Variants in SPPL2B observed in about 807,000 individuals in gnomAD.
SPPL2B encodes the protein signal peptide peptidase-like 2B.
A neutral mutation model predicts 59.7 loss-of-function variants in SPPL2B; 39 were observed. The observed-to-expected ratio is 0.65, with a 90% CI of 0.51 to 0.85. The LOEUF is 0.85. Ranked by LOEUF, SPPL2B falls within the 40% of genes least tolerant of loss-of-function variation. The pLI is 0.00. For synonymous variants in SPPL2B, 419 were observed against 370.8 expected (o/e 1.13, Z -1.49); for missense variants, 865 against 849.0 (o/e 1.02, Z -0.23).
intron 10 of SPPL2B, 70 bp downstream of exon 10, chr19:2,344,109 T>G: frequency 1.2e-5 from 7 of 597,502 alleles, no homozygotes; most frequent in Non-Finnish European, 1.5e-5. Context: ...CCCCGCCCCA[T>G]CACCCCCCCC....
chr19:2,333,354 G>C (rs1046408736), intron 1 of SPPL2B, among the ~76,000 whole-genome samples: 1 of 150,468 alleles, frequency 6.6e-6, no homozygotes, highest in South Asian at 2.1e-4. Context: ...TGGCAGGTGC[G>C]GGCGGCTGGA....
intron 8 of SPPL2B, chr19:2,342,650 C>T (rs1287243836): frequency 6.5e-6 from 1 of 153,638 alleles, no homozygotes; most frequent in Non-Finnish European, 1.5e-5. Flanking sequence ...GAGACTCCAT[C>T]TCAAAAACAA....
rs1013474045 is a variant in SPPL2B at position 2,332,941 on chromosome 19, C to T, written c.67-1661C>T. Among the ~76,000 whole-genome samples the T allele has an allele frequency of 2.1e-5, 3 of 139,874 alleles. No homozygotes were observed. Among genetic ancestry groups the T allele is most frequent in the Non-Finnish European group, 4.6e-5 (3 of 64,820 alleles). 91.8% of individuals were successfully genotyped at this position (139,874 alleles called of 152,430 possible). On this transcript the variant is annotated intron_variant, in intron 1 of 14. Transcript: ENST00000613503. This position sits in a 1 kb window ranked among gnomAD's most constrained non-coding sequence, Gnocchi z 4.6. ...GGAAGGTGGGGATGGCAGGTGCGGG[C>T]GGCTGGACTGGGCTCTGCTGGGAGG...
intron 3 of SPPL2B, chr19:2,338,438 T>G (rs948259091): frequency 1.2e-5 from 3 of 249,114 alleles, no homozygotes; most frequent in Non-Finnish European, 1.6e-5. Context: ...TGGGCAGGCA[T>G]GGGCTGTGAC....
chr19:2,340,029 G>A, intron 6 of SPPL2B, 47 bp from the exon 7 acceptor site: 1 of 1,560,868 alleles, frequency 6.4e-7, no homozygotes, highest in Non-Finnish European at 8.7e-7. Flanking sequence ...GCGGAGGGAG[G>A]GTGGCGTGCG....
At position 2,348,663 on chromosome 19, in the gene SPPL2B, C is replaced by T. The variant is rs1419456678; in HGVS notation, c.1355-2771C>T. Among the ~76,000 whole-genome samples, 16 of 148,664 alleles carry T rather than the reference C, an allele frequency of 1.1e-4. 1 individual carries two copies. Among genetic ancestry groups the T allele is most frequent in the African/African-American group, 4.0e-4 (16 of 40,092 alleles). On this transcript the variant is annotated intron_variant, in intron 13 of 14. Transcript: ENST00000613503. The stretch of plus-strand genomic sequence containing the variant: ...TGTCATTCGCTTGATTCCGTTCTCT[C>T]TCCACACACACTCACGCTCTCATTC...
At chr19:2,340,231 C>A in intron 7 of SPPL2B, 59 bp downstream of exon 7, 1 of 1,329,052 alleles carries the variant, frequency 7.5e-7, no homozygotes. Flanking sequence ...GCCACGGCCC[C>A]TTTGCCGCCC....
In SPPL2B at chr19:2,334,680, A is replaced by G; in HGVS notation, c.145A>G (p.Asn49Asp). 9 of 1,612,462 alleles carry G rather than the reference A, an allele frequency of 5.6e-6. No individual in the cohort carries two copies. Among genetic ancestry groups the G allele is most frequent in the Non-Finnish European group, 7.6e-6 (9 of 1,179,202 alleles). ...AGGCAAAGACTACTGCATCCTCTACAACCCGCAGTGGGCCCATCTTCCGCA... is the reference window on the plus strand; with the variant it reads ...AGGCAAAGACTACTGCATCCTCTACGACCCGCAGTGGGCCCATCTTCCGCA... ...PEGKDYCILY[N>D]PQWAHLPHDL... Residue 49 changes from asparagine to aspartate, a missense_variant, in exon 2 of 15, where the codon AAC becomes GAC. Physicochemically the swap from Asn to Asp is conservative, Grantham distance 23 (BLOSUM62 1). Coordinates refer to ENST00000613503, the MANE Select transcript of SPPL2B (RefSeq NM_152988.3).
intron 14 of SPPL2B, among the ~76,000 whole-genome samples, chr19:2,352,340 T>C (rs1172684275): frequency 2.6e-5 from 4 of 152,296 alleles, no homozygotes; most frequent in Non-Finnish European, 2.9e-5. Flanking sequence ...CCTCAGGCTG[T>C]TGGGCATGGG....
rs1305609186 is a variant in SPPL2B at position 2,353,235 on chromosome 19, T to C, written c.*26T>C. The C allele has an allele frequency of 2.0e-6, 3 of 1,533,728 alleles. No individual in the cohort carries two copies. The South Asian group carries it at 3.8e-5, about 20-fold the overall frequency. ...GGGAGGGGTGAGACGCTCGCTGCCG[T>C]GCCCGCCACACCAAGATGTTGGGGC... On this transcript the variant is annotated 3_prime_UTR_variant, in exon 15 of 15. Coordinates refer to ENST00000613503, the MANE Select transcript of SPPL2B (RefSeq NM_152988.3).
At chr19:2,340,754 C>A (rs989239827) in intron 7 of SPPL2B, 144 bp from the exon 8 acceptor site, 10 of 606,346 alleles carry the variant, frequency 1.6e-5, no homozygotes, top group Non-Finnish European at 2.6e-5. Flanking sequence ...CTGTTGTCAT[C>A]GTGTGGGATG....
intron 14 of SPPL2B, 91 bp downstream of exon 14, chr19:2,351,685 G>A: frequency 6.6e-7 from 1 of 1,510,912 alleles, no homozygotes; most frequent in Non-Finnish European, 8.9e-7. Flanking sequence ...GCCACAGCCA[G>A]CCCTGCGGCC....
At chr19:2,335,797 G>A (rs1350840884) in intron 2 of SPPL2B, among the ~76,000 whole-genome samples, 1 of 152,150 alleles carries the variant, frequency 6.6e-6, no homozygotes, top group Non-Finnish European at 1.5e-5. Flanking sequence ...CCCCCTCCTG[G>A]AGCCCTCGAG....
At position 2,332,837 on chromosome 19, in the gene SPPL2B, C is replaced by G. The variant is rs1042439157; in HGVS notation, c.67-1765C>G. ...GACCTGGGCCCCATCGCTGTGAGACCCTCTGGTGACTGGCATCCTGGCGAG... is the reference window on the plus strand; with the variant it reads ...GACCTGGGCCCCATCGCTGTGAGACGCTCTGGTGACTGGCATCCTGGCGAG... On this transcript the variant is annotated intron_variant, in intron 1 of 14. Coordinates refer to ENST00000613503, the MANE Select transcript of SPPL2B (RefSeq NM_152988.3). The surrounding 1 kb of genome is among the most constrained non-coding windows in gnomAD (Gnocchi z 4.6). Among the ~76,000 whole-genome samples, 1 of 152,126 alleles carries G rather than the reference C, an allele frequency of 6.6e-6. No homozygotes were observed. The highest frequency in any genetic ancestry group is 2.4e-5 in the African/African-American group (1 of 41,414).
At chr19:2,348,191 T>C (rs866272723) in intron 13 of SPPL2B, among the ~76,000 whole-genome samples, 7 of 68,690 alleles carry the variant, frequency 1.0e-4, no homozygotes, top group Admixed American at 3.4e-4. Flanking sequence ...CTCATTCGCT[T>C]GATTCCGTTC....
At position 2,353,136 on chromosome 19, in the gene SPPL2B, G is replaced by GA; in HGVS notation, c.1706_1707insA (p.Ser570GlufsTer4). 6.2e-7 allele frequency: 1 copy of GA among 1,610,716 alleles called. No homozygotes were observed. Among genetic ancestry groups the GA allele is most frequent in the Non-Finnish European group, 8.5e-7 (1 of 1,179,270 alleles). ...GCTGGAGCCCCCATGCGGGAGCCTG[G>GA]GAGCCCAGCTGAATCCGAGGGCCGG... On this transcript the variant is annotated frameshift_variant, in exon 15 of 15. Transcript: ENST00000613503. LOFTEE classifies it low-confidence loss of function (END_TRUNC).
At chr19:2,337,766 T>A in intron 3 of SPPL2B, 141 bp downstream of exon 3, 1 of 865,670 alleles carries the variant, frequency 1.2e-6, no homozygotes, top group South Asian at 1.9e-5. Context: ...CTGGGCCGAG[T>A]GTGAACATGG....
At chr19:2,350,562 C>T (rs1310115519) in intron 13 of SPPL2B, among the ~76,000 whole-genome samples, 1 of 152,264 alleles carries the variant, frequency 6.6e-6, no homozygotes, top group Non-Finnish European at 1.5e-5. Flanking sequence ...CCTCACTAGC[C>T]ATGGGTTCCT....
At chr19:2,338,712 C>A in intron 3 of SPPL2B, 40 bp from the exon 4 acceptor site, 1 of 1,448,548 alleles carries the variant, frequency 6.9e-7, no homozygotes, top group South Asian at 1.2e-5. Context: ...CCACCCACTG[C>A]TGCGGGTGAT....
Sources: gnomAD v4.1 joint callset for allele counts (sites outside exome capture counted in the v4.1 genomes callset) on GRCh38, gnomAD v4.1.1 for gene constraint, Gnocchi (gnomAD v3.1) non-coding constraint, MANE v1.5 for transcripts, NCBI Gene and HGNC (gene_info 2026-07-23, HGNC 2026-07-21) for gene names.